The following DGLUCY variants were observed in gnomAD, a reference collection of about 807,000 sequenced individuals.
DGLUCY encodes D-glutamate cyclase, mitochondrial.
Under a neutral mutation model 58.5 loss-of-function variants are expected in DGLUCY, and 58 were observed. That is an observed-to-expected ratio of 0.99 (90% CI 0.80 to 1.23). The LOEUF is 1.23. DGLUCY is among the 50% of genes most tolerant of loss of function. DGLUCY has a pLI of 0.00. For missense variants in DGLUCY, 779 were observed against 784.7 expected (o/e 0.99, Z 0.09); for synonymous variants, 325 against 314.1 (o/e 1.03, Z -0.37).
rs1345633028 is a variant in DGLUCY, at chr14:91,118,088, C to CT, written c.-82+3816dup. Reference sequence around the variant, plus strand: ...TAAATTCTCCCCGCCCCCCCCCCCCCTTTTTTTTTTTAGACGGAGTCTCAC... The same window carrying CT: ...TAAATTCTCCCCGCCCCCCCCCCCCCTTTTTTTTTTTTAGACGGAGTCTCAC... On this transcript the variant is annotated intron_variant, in intron 1 of 13. Coordinates refer to ENST00000256324, the MANE Select transcript of DGLUCY (RefSeq NM_001102368.3). Among the ~76,000 whole-genome samples, 394 of 60,478 alleles carry CT rather than the reference C, an allele frequency of 6.5e-3. 5 individuals carry two copies. Among genetic ancestry groups the CT allele is most frequent in the African/African-American group, 0.027 (367 of 13,776 alleles). 39.7% of individuals were successfully genotyped at this position (60,478 alleles called of 152,430 possible). A position where few individuals can be genotyped will look rare whatever the true frequency, so the allele number is the denominator to read the frequency against.
intron 1 of DGLUCY, among the ~76,000 whole-genome samples, chr14:91,136,154 C>G (rs1201024335): frequency 6.6e-6 from 1 of 151,448 alleles, no homozygotes; most frequent in East Asian, 2.0e-4. Context: ...AGGTTGGTCT[C>G]GATTTCCTGA....
Position 91,185,271 on chromosome 14 carries a change from A to ATTTTTTTTTT in DGLUCY, c.935-3619_935-3610dup, listed in dbSNP as rs35639010. Among the ~76,000 whole-genome samples, 73 of 38,376 alleles carry ATTTTTTTTTT rather than the reference A, an allele frequency of 1.9e-3. 11 individuals are homozygous for ATTTTTTTTTT. The highest frequency in any genetic ancestry group is 3.6e-3 in the African/African-American group (38 of 10,464). The allele number at this position is 38,376 out of a possible 152,430, so 25.2% of individuals were successfully genotyped here. On this transcript the variant is annotated intron_variant, in intron 8 of 13. Transcript: ENST00000256324. The stretch of plus-strand genomic sequence containing the variant: ...GGTGTGAGCCACCGTGCCCAGCCGG[A>ATTTTTTTTTT]TTTTTTTTTTTTTTTTTTTTTTTTT...
chr14:91,167,131 C>T, intron 3 of DGLUCY, 94 bp from the exon 4 acceptor site: 1 of 1,432,056 alleles, frequency 7.0e-7, no homozygotes, highest in Non-Finnish European at 9.3e-7. Flanking sequence ...AAGAGCGAAA[C>T]TCCGCCTCAA....
intron 1 of DGLUCY, among the ~76,000 whole-genome samples, chr14:91,148,257 T>G (rs2047118905): frequency 6.6e-6 from 1 of 151,134 alleles, no homozygotes; most frequent in Admixed American, 6.6e-5. Context: ...CAGGCTGGAG[T>G]GCAGTGGCTC....
chr14:91,145,229 G>A (rs2046949582), intron 1 of DGLUCY: 1 of 152,194 alleles, frequency 6.6e-6, no homozygotes, highest in South Asian at 2.1e-4. Context: ...AGATGGAGAA[G>A]GAAAGGCAAG....
chr14:91,113,204 G>T (rs2044740730), upstream of DGLUCY, among the ~76,000 whole-genome samples: 1 of 152,176 alleles, frequency 6.6e-6, no homozygotes, highest in Non-Finnish European at 1.5e-5. Flanking sequence ...GGAGGCTGAG[G>T]CAGAAGAATC....
At chr14:91,204,306 A>G (rs951576222) in intron 11 of DGLUCY, among the ~76,000 whole-genome samples, 1 of 152,220 alleles carries the variant, frequency 6.6e-6, no homozygotes, top group Admixed American at 6.5e-5. Context: ...TTTCAGCAGA[A>G]GCCTTTAAAG....
chr14:91,153,456 T>A (rs1332952848), intron 1 of DGLUCY, among the ~76,000 whole-genome samples: 1 of 152,226 alleles, frequency 6.6e-6, no homozygotes, highest in Non-Finnish European at 1.5e-5. Context: ...GTGCTGGGAT[T>A]GCAGGCGTGA....
intron 1 of DGLUCY, among the ~76,000 whole-genome samples, chr14:91,157,158 A>G (rs12147108): frequency 0.037 from 1,709 of 46,796 alleles, 12 homozygotes; most frequent in Non-Finnish European, 0.052. Flanking sequence ...TGGATGGATG[A>G]ATGGGTGGAT....
intron 12 of DGLUCY, among the ~76,000 whole-genome samples, chr14:91,208,078 A>G (rs1160974024): frequency 6.6e-6 from 1 of 152,156 alleles, no homozygotes; most frequent in African/African-American, 2.4e-5. Context: ...TGAACTATTT[A>G]AAGTATTGAG....
chr14:91,062,099 C>T (rs1221997287), intron 1 of DGLUCY, among the ~76,000 whole-genome samples: 1 of 152,136 alleles, frequency 6.6e-6, no homozygotes, highest in Non-Finnish European at 1.5e-5. Context: ...CTACTCAGCT[C>T]TGCCATTGTA....
At chr14:91,086,116 A>C (rs1256824817) in intron 1 of DGLUCY, among the ~76,000 whole-genome samples, 1 of 152,150 alleles carries the variant, frequency 6.6e-6, no homozygotes, top group Non-Finnish European at 1.5e-5. Context: ...TGTGCTCCTT[A>C]TGAGAATCTA....
At chr14:91,171,478 G>T (rs1566981327) in intron 5 of DGLUCY, among the ~76,000 whole-genome samples, 1 of 152,214 alleles carries the variant, frequency 6.6e-6, no homozygotes. Context: ...ACAGCCATCT[G>T]GGATTCCATT....
Position 91,114,174 on chromosome 14 carries a change from A to G in DGLUCY, c.-191A>G, listed in dbSNP as rs1326738342. 6.6e-6 allele frequency: 1 copy of G among 152,332 alleles called. No homozygotes were observed. The highest frequency in any genetic ancestry group is 1.5e-5 in the Non-Finnish European group (1 of 68,092). 9.4% of individuals were successfully genotyped at this position (152,332 alleles called of 1,614,324 possible). ...ACAACCCCCCGTGGCGCAGGAGAGC[A>G]GAAGAAAGGGGGCCTTTATGCCCTT... On this transcript the variant is annotated 5_prime_UTR_variant, in exon 1 of 14. Coordinates refer to ENST00000256324, the MANE Select transcript of DGLUCY (RefSeq NM_001102368.3).
upstream of DGLUCY, among the ~76,000 whole-genome samples, chr14:91,113,807 A>G (rs1034311216): frequency 7.9e-5 from 12 of 152,242 alleles, no homozygotes; most frequent in African/African-American, 1.2e-4. Context: ...TCGGCTGCAC[A>G]TTGGAATCAC....
intron 1 of DGLUCY, among the ~76,000 whole-genome samples, chr14:91,098,998 A>G (rs1040016172): frequency 2.0e-5 from 3 of 152,246 alleles, no homozygotes; most frequent in African/African-American, 7.2e-5. Flanking sequence ...AGTTAAGTAA[A>G]GGTAAAAGAT....
rs557373923 is a variant in DGLUCY, at chr14:91,153,177, C to A, written c.-81-4462C>A. On this transcript the variant is annotated intron_variant, in intron 1 of 13. Transcript: ENST00000256324. ...TCTGCCCATCCCTCCTGACAGTGAG[C>A]TTTATTTACTTATTTATTTATTATA... Among the ~76,000 whole-genome samples, 4 of 152,176 alleles carry A rather than the reference C, an allele frequency of 2.6e-5. No individual in the cohort carries two copies. The South Asian group carries it at 8.3e-4, about 32-fold the overall frequency.
In DGLUCY at chr14:91,225,021, G is replaced by A; in HGVS notation, c.*188G>A. 1 of 530,030 alleles carries A rather than the reference G, an allele frequency of 1.9e-6. No individual in the cohort carries two copies. Among genetic ancestry groups the A allele is most frequent in the Non-Finnish European group, 3.1e-6 (1 of 325,738 alleles). The allele number at this position is 530,030 out of a possible 1,614,324, so 32.8% of individuals were successfully genotyped here. On this transcript the variant is annotated 3_prime_UTR_variant, in exon 14 of 14. Transcript: ENST00000256324. The stretch of plus-strand genomic sequence containing the variant: ...GTTAGTGCAGGTGCTGTGGACAAAG[G>A]ACAACATTTCTCTGGGGCTTTTTAA...
chr14:91,171,745 G>A (rs1339172654), intron 5 of DGLUCY, among the ~76,000 whole-genome samples: 3 of 152,232 alleles, frequency 2.0e-5, no homozygotes, highest in African/African-American at 7.2e-5. Context: ...CCATTCAGGA[G>A]GTGGGGTGGG....
Sources: allele counts gnomAD v4.1 joint callset (sites outside exome capture counted in the v4.1 genomes callset), GRCh38; gene constraint gnomAD v4.1.1; transcripts MANE v1.5; gene names NCBI Gene and HGNC (gene_info 2026-07-23, HGNC 2026-07-21).